The following NRG3 variants were observed in gnomAD, a reference collection of about 807,000 sequenced individuals.
NRG3 encodes pro-neuregulin-3, membrane-bound isoform.
In NRG3, 31 loss-of-function variants were observed where a neutral mutation model predicts 66.9. The ratio of observed to expected loss-of-function variants is 0.46; its 90% confidence interval spans 0.35 to 0.63. The LOEUF (loss-of-function observed/expected upper bound fraction) is 0.63. NRG3 is among the 20% of genes least tolerant of loss of function. NRG3 has a pLI of 0.00. For missense variants in NRG3, 910 were observed against 878.9 expected, an observed-to-expected ratio of 1.04 and a Z score of -0.45; for synonymous variants, 393 against 359.4, an observed-to-expected ratio of 1.09 and a Z score of -1.06.
chr10:82,414,833 A>G (rs2136187401), intron 2 of NRG3, among the ~76,000 whole-genome samples: 1 of 152,302 alleles, frequency 6.6e-6, no homozygotes, highest in East Asian at 1.9e-4. Context: ...TAGGCAGACC[A>G]GCAGGCTGAA....
intron 3 of NRG3, among the ~76,000 whole-genome samples, chr10:82,824,332 A>G (rs1019166800): frequency 1.2e-4 from 19 of 152,170 alleles, no homozygotes; most frequent in Admixed American, 1.2e-3. Flanking sequence ...TTGAATATTC[A>G]TGTGCAAGTT....
At chr10:82,615,738 T>C (rs934003443) in intron 2 of NRG3, among the ~76,000 whole-genome samples, 1 of 152,042 alleles carries the variant, frequency 6.6e-6, no homozygotes, top group Non-Finnish European at 1.5e-5. Context: ...TTATCACAAC[T>C]GAAGAAAGAG....
chr10:82,162,896 G>A (rs1266155385), intron 1 of NRG3, among the ~76,000 whole-genome samples: 2 of 152,134 alleles, frequency 1.3e-5, no homozygotes, highest in African/African-American at 4.8e-5. Flanking sequence ...ACTAAACCAT[G>A]TGAATCTCCT....
intron 1 of NRG3, among the ~76,000 whole-genome samples, chr10:82,247,245 C>A (rs1197808474): frequency 6.6e-6 from 1 of 152,088 alleles, no homozygotes; most frequent in Non-Finnish European, 1.5e-5. Context: ...TAACAAAGTG[C>A]CATAGAGTGG....
chr10:82,960,317 G>A (rs959022803), intron 6 of NRG3, among the ~76,000 whole-genome samples: 1 of 152,150 alleles, frequency 6.6e-6, no homozygotes, highest in South Asian at 2.1e-4. Flanking sequence ...AACAACCACA[G>A]TGATGGAGGG....
Position 82,985,554 on chromosome 10 carries a change from G to A in NRG3, c.2040G>A (p.Ala680=), listed in dbSNP as rs759140331. 3.0e-5 allele frequency: 49 copies of A among 1,613,630 alleles called. No individual in the cohort carries two copies. The highest frequency in any genetic ancestry group is 4.4e-5 in the South Asian group (4 of 91,082). The change falls in exon 9 of 9, where the codon GCG becomes GCA. Residue 680 remains alanine (A), a synonymous_variant. Transcript: ENST00000372141. ...LSPTAKSERE[A]QFVLRNEIQR... ...CCACAGCCAAATCAGAACGAGAGGCGCAATTTGTCTTAAGAAATGAAATAC... is the reference window on the plus strand; with the variant it reads ...CCACAGCCAAATCAGAACGAGAGGCACAATTTGTCTTAAGAAATGAAATAC...
intron 2 of NRG3, among the ~76,000 whole-genome samples, chr10:82,621,144 G>A (rs2049012137): frequency 6.6e-6 from 1 of 152,146 alleles, no homozygotes; most frequent in African/African-American, 2.4e-5. Flanking sequence ...TAAATTAAAA[G>A]AGTTGGAGTC....
At chr10:82,753,841 G>A (rs2058971489) in intron 3 of NRG3, among the ~76,000 whole-genome samples, 1 of 151,730 alleles carries the variant, frequency 6.6e-6, no homozygotes, top group South Asian at 2.1e-4. Flanking sequence ...TAGTTCTTTG[G>A]GAGGTTGAGG....
chr10:82,651,045 C>T (rs1475340665), intron 2 of NRG3, among the ~76,000 whole-genome samples: 10 of 152,180 alleles, frequency 6.6e-5, no homozygotes, highest in Admixed American at 6.5e-4. Flanking sequence ...TATAATTGGG[C>T]TGCTGGTTGA....
chr10:82,866,763 T>A (rs1200861534), intron 4 of NRG3, among the ~76,000 whole-genome samples: 1 of 152,116 alleles, frequency 6.6e-6, no homozygotes, highest in Non-Finnish European at 1.5e-5. Flanking sequence ...GAGATTATAG[T>A]CATATGGCAG....
chr10:82,267,770 T>C (rs73306603), intron 1 of NRG3, among the ~76,000 whole-genome samples: 10,716 of 152,192 alleles, frequency 0.07, 834 homozygotes, highest in African/African-American at 0.19. Flanking sequence ...CAGCTCTGCA[T>C]GGTGAGGAGT....
chr10:82,408,081 G>GAGAGAGAGAGAGAGAGAA, intron 2 of NRG3, among the ~76,000 whole-genome samples: 1 of 67,030 alleles, frequency 1.5e-5, no homozygotes, highest in Non-Finnish European at 2.8e-5. Context: ...GAGAGAGAGA[G>GAGAGAGAGAGAGAGAGAA]AGACAGAAAG....
At chr10:82,561,481 G>A (rs187484999) in intron 2 of NRG3, among the ~76,000 whole-genome samples, 6 of 152,170 alleles carry the variant, frequency 3.9e-5, no homozygotes, top group Admixed American at 2.0e-4. Context: ...GCGAAACCTC[G>A]CCTCTACCAA....
intron 2 of NRG3, among the ~76,000 whole-genome samples, chr10:82,583,070 A>T (rs1046784241): frequency 2.6e-5 from 4 of 152,204 alleles, no homozygotes; most frequent in African/African-American, 4.8e-5. Context: ...AGTTTGGAGA[A>T]AGAAATGTTT....
chr10:82,017,135 C>T (rs944573052), intron 1 of NRG3, among the ~76,000 whole-genome samples: 2 of 152,088 alleles, frequency 1.3e-5, no homozygotes, highest in African/African-American at 4.8e-5. Flanking sequence ...CTTCCTGTGT[C>T]CAAGTGTTCT....
chr10:82,787,672 G>A (rs757669029), intron 3 of NRG3, among the ~76,000 whole-genome samples: 14 of 152,160 alleles, frequency 9.2e-5, no homozygotes, highest in Non-Finnish European at 1.8e-4. Flanking sequence ...TAAGAAATTG[G>A]TATTTTGCAG....
intron 1 of NRG3, among the ~76,000 whole-genome samples, chr10:81,988,314 G>C (rs960942971): frequency 6.6e-6 from 1 of 152,106 alleles, no homozygotes; most frequent in African/African-American, 2.4e-5. Flanking sequence ...CTATGTTAAG[G>C]CCTCTCACTG....
chr10:82,267,976 T>C (rs989301499), intron 1 of NRG3, among the ~76,000 whole-genome samples: 1 of 152,198 alleles, frequency 6.6e-6, no homozygotes, highest in South Asian at 2.1e-4. Context: ...AGTGTGCTAC[T>C]TATAAAACGC....
At chr10:82,449,587 G>T (rs2090918173) in intron 2 of NRG3, among the ~76,000 whole-genome samples, 1 of 152,154 alleles carries the variant, frequency 6.6e-6, no homozygotes, top group Non-Finnish European at 1.5e-5. Flanking sequence ...GTCAATCTGT[G>T]TATGCATTCA....
Sources: allele counts gnomAD v4.1 joint callset (sites outside exome capture counted in the v4.1 genomes callset), GRCh38; gene constraint gnomAD v4.1.1; transcripts MANE v1.5; gene names NCBI Gene and HGNC (gene_info 2026-07-23, HGNC 2026-07-21).